Variants in FUT9 observed in about 807,000 individuals in gnomAD.
FUT9 encodes fucosyltransferase 9.
Under a neutral mutation model 29.7 loss-of-function variants are expected in FUT9, and 15 were observed. The ratio of observed to expected loss-of-function variants is 0.51; its 90% CI spans 0.34 to 0.78. The LOEUF is 0.78. Among genes scored for constraint, FUT9 ranks in the 30% least tolerant of loss-of-function variants. The probability of loss-of-function intolerance (pLI) is 0.01; values close to 1 mark genes in which losing one functional copy is unlikely to be tolerated. For missense variants in FUT9, 319 were observed against 425.4 expected (o/e 0.75, Z 2.20); for synonymous variants, 169 against 153.7 (o/e 1.10, Z -0.74).
chr6:96,199,515 GT>G (rs1205352064), intron 2 of FUT9, among the ~76,000 whole-genome samples: 1 of 152,050 alleles, frequency 6.6e-6, no homozygotes, highest in Non-Finnish European at 1.5e-5. Context: ...AAGAAACGTC[GT>G]TTCTGTCTAG....
At chr6:96,027,661 C>T (rs762904632) in intron 1 of FUT9, among the ~76,000 whole-genome samples, 2 of 151,586 alleles carry the variant, frequency 1.3e-5, no homozygotes, top group Non-Finnish European at 3.0e-5. Context: ...AACAAAAGGA[C>T]TGTCTCTAAG....
At chr6:96,135,439 C>G (rs1205921226) in intron 2 of FUT9, among the ~76,000 whole-genome samples, 1 of 151,880 alleles carries the variant, frequency 6.6e-6, no homozygotes, top group Non-Finnish European at 1.5e-5. Context: ...GAAGGAATGG[C>G]AAGGTTTGCA....
intron 2 of FUT9, among the ~76,000 whole-genome samples, chr6:96,187,961 A>G (rs1180089352): frequency 1.3e-5 from 2 of 152,110 alleles, no homozygotes; most frequent in Non-Finnish European, 2.9e-5. Context: ...CAATTAATGC[A>G]TCATTAATCC....
chr6:96,111,845 C>T (rs1371281939), intron 1 of FUT9, among the ~76,000 whole-genome samples: 3 of 152,028 alleles, frequency 2.0e-5, no homozygotes, highest in Non-Finnish European at 2.9e-5. Context: ...ATATGGATGT[C>T]TATGCCTCTT....
At chr6:96,103,028 T>G (rs1446381344) in intron 1 of FUT9, among the ~76,000 whole-genome samples, 1 of 152,144 alleles carries the variant, frequency 6.6e-6, no homozygotes, top group Admixed American at 6.5e-5. Flanking sequence ...TCCTTGGTCT[T>G]GGGCTATGGG....
intron 2 of FUT9, among the ~76,000 whole-genome samples, chr6:96,121,854 AT>A (rs1772034350): frequency 6.6e-6 from 1 of 151,272 alleles, no homozygotes; most frequent in Non-Finnish European, 1.5e-5. Context: ...CTTAAAATAA[AT>A]CTCTATGTTG....
chr6:96,106,214 C>CCTTCCTTCCTTCCTTCCTTT (rs1306878194), intron 1 of FUT9, among the ~76,000 whole-genome samples: 1 of 14,070 alleles, frequency 7.1e-5, no homozygotes, highest in African/African-American at 1.2e-4. Context: ...ATCCATCAAC[C>CCTTCCTTCCTTCCTTCCTTT]CTTCCTTCCT....
In FUT9 at chr6:96,058,571, A is replaced by T. The variant is rs140930843; in HGVS notation, c.-98+42359A>T. ...AATGCAGTAGAATTTTTTGAAATGA[A>T]TAAAAGCTAAATGCATAATAATTTC... On this transcript the variant is annotated intron_variant, in intron 1 of 2. Transcript: ENST00000302103. Among the ~76,000 whole-genome samples the T allele has an allele frequency of 4.7e-3, 722 of 152,228 alleles. 5 individuals are homozygous for T. Among genetic ancestry groups the T allele is most frequent in the Non-Finnish European group, 7.9e-3 (538 of 68,000 alleles).
At chr6:96,082,394 T>A (rs1432757799) in intron 1 of FUT9, among the ~76,000 whole-genome samples, 2 of 151,960 alleles carry the variant, frequency 1.3e-5, no homozygotes, top group Non-Finnish European at 3.0e-5. Context: ...CCCGGCACCT[T>A]AAATAGTATA....
Position 96,205,089 on chromosome 6 carries a change from G to T in FUT9, c.*854G>T, listed in dbSNP as rs934331544. On this transcript the variant is annotated 3_prime_UTR_variant, in exon 3 of 3. Coordinates refer to ENST00000302103, the MANE Select transcript of FUT9 (RefSeq NM_006581.4). ...ATACCTATAAATATATTTATAAATGGTGTCATTTATGAACAATGTTTAATT... is the reference window on the plus strand; with the variant it reads ...ATACCTATAAATATATTTATAAATGTTGTCATTTATGAACAATGTTTAATT... 3 of 166,556 alleles carry T rather than the reference G, an allele frequency of 1.8e-5. No homozygotes were observed. The highest frequency in any genetic ancestry group is 4.4e-5 in the Non-Finnish European group (3 of 67,986). The allele number at this position is 166,556 out of a possible 1,614,324, so 10.3% of individuals were successfully genotyped here.
intron 1 of FUT9, among the ~76,000 whole-genome samples, chr6:96,043,113 G>A (rs1028929808): frequency 2.2e-4 from 34 of 152,164 alleles, no homozygotes; most frequent in African/African-American, 7.7e-4. Flanking sequence ...GTGCGGTGGC[G>A]CGATCTCGGC....
At chr6:96,019,242 G>GA (rs984866506) in intron 1 of FUT9, among the ~76,000 whole-genome samples, 54 of 151,764 alleles carry the variant, frequency 3.6e-4, no homozygotes, top group African/African-American at 1.2e-3. Flanking sequence ...TATAATAATA[G>GA]ATAAAGAGCT....
chr6:96,126,394 C>T (rs1338837296), intron 2 of FUT9, among the ~76,000 whole-genome samples: 1 of 152,134 alleles, frequency 6.6e-6, no homozygotes, highest in Non-Finnish European at 1.5e-5. Context: ...CACATTACTG[C>T]CAGGAAGGCA....
chr6:96,042,239 G>A (rs1216971551), intron 1 of FUT9, among the ~76,000 whole-genome samples: 1 of 152,142 alleles, frequency 6.6e-6, no homozygotes, highest in East Asian at 1.9e-4. Flanking sequence ...CTATGGACAT[G>A]GAGGCAAGTA....
Position 96,118,962 on chromosome 6 carries a change from ATGTGTT to A in FUT9, c.-9+4843_-9+4848del, listed in dbSNP as rs527958473. On this transcript the variant is annotated intron_variant, in intron 2 of 2. Transcript: ENST00000302103. ...AGAAATTATTTTGTACAGCTATACA[ATGTGTT>A]TGTGTTTTAAGCTGTGTTATTATGA... Among the ~76,000 whole-genome samples the A allele has an allele frequency of 1.1e-4, 16 of 152,350 alleles. No homozygotes were observed. The East Asian group carries it at 3.1e-3, about 29-fold the overall frequency.
chr6:96,114,951 T>C (rs1243076747), intron 2 of FUT9, among the ~76,000 whole-genome samples: 1 of 152,174 alleles, frequency 6.6e-6, no homozygotes, highest in African/African-American at 2.4e-5. Context: ...TAACAACACC[T>C]AATACCGTCA....
At chr6:96,180,239 A>C (rs1412915082) in intron 2 of FUT9, among the ~76,000 whole-genome samples, 1 of 152,110 alleles carries the variant, frequency 6.6e-6, no homozygotes, top group East Asian at 1.9e-4. Flanking sequence ...GGTTACTTAC[A>C]TGTATCAATT....
intron 2 of FUT9, among the ~76,000 whole-genome samples, chr6:96,194,735 G>A (rs1773587735): frequency 6.6e-6 from 1 of 151,564 alleles, no homozygotes; most frequent in African/African-American, 2.4e-5. Flanking sequence ...TGGCTGCAAG[G>A]GACTAAACCT....
chr6:96,017,908 G>A (rs1012374472), intron 1 of FUT9, among the ~76,000 whole-genome samples: 3 of 152,126 alleles, frequency 2.0e-5, no homozygotes, highest in African/African-American at 7.2e-5. Context: ...TAGGGAATTT[G>A]TTAGTTAATA....
Sources: gnomAD v4.1 joint callset for allele counts (sites outside exome capture counted in the v4.1 genomes callset) on GRCh38, gnomAD v4.1.1 for gene constraint, MANE v1.5 for transcripts, NCBI Gene and HGNC (gene_info 2026-07-23, HGNC 2026-07-21) for gene names.